PCDH7: variants seen among roughly 807,000 people sequenced by gnomAD.
PCDH7 encodes the protein protocadherin 7, also known as protocadherin-7.
In PCDH7, 17 loss-of-function variants were observed where a neutral mutation model predicts 58.9. That is an observed-to-expected ratio of 0.29 (90% CI 0.20 to 0.43). PCDH7 has a LOEUF of 0.43. PCDH7 is among the 20% of genes least tolerant of loss of function. The pLI, the probability that PCDH7 is intolerant of heterozygous loss-of-function variation, is 1.00. For synonymous variants in PCDH7, 664 were observed against 616.4 expected, an observed-to-expected ratio of 1.08 and a Z score of -1.14; for missense variants, 1,274 against 1,441.0, an observed-to-expected ratio of 0.88 and a Z score of 1.88.
chr4:30,998,785 C>T (rs572441143), intron 3 of PCDH7, among the ~76,000 whole-genome samples: 22 of 151,930 alleles, frequency 1.4e-4, no homozygotes, highest in African/African-American at 5.1e-4. Flanking sequence ...GAATTTCTAT[C>T]GTAGAAAGTG....
intron 3 of PCDH7, among the ~76,000 whole-genome samples, chr4:31,092,328 G>C (rs1051241762): frequency 2.0e-4 from 31 of 151,892 alleles, no homozygotes; most frequent in African/African-American, 7.2e-4. Flanking sequence ...GTTGGGGAAG[G>C]AAAAACTGAG....
intron 1 of PCDH7, among the ~76,000 whole-genome samples, chr4:30,879,224 T>C (rs1736656982): frequency 6.6e-6 from 1 of 152,006 alleles, no homozygotes; most frequent in Non-Finnish European, 1.5e-5. Flanking sequence ...CTCTCTCTTT[T>C]CTTCTTTCCT....
chr4:30,758,519 G>T (rs542595519), intron 1 of PCDH7, among the ~76,000 whole-genome samples: 2 of 152,154 alleles, frequency 1.3e-5, no homozygotes, highest in Non-Finnish European at 2.9e-5. Context: ...AAAGAGCATC[G>T]AAGGCTCTTG....
chr4:30,980,535 T>C (rs181678168), intron 3 of PCDH7, among the ~76,000 whole-genome samples: 2 of 152,308 alleles, frequency 1.3e-5, no homozygotes, highest in Admixed American at 1.3e-4. Context: ...GAATTGTTTC[T>C]AACTCCAGTG....
At chr4:31,064,858 AACAC>A (rs372280253) in intron 3 of PCDH7, among the ~76,000 whole-genome samples, 4 of 151,386 alleles carry the variant, frequency 2.6e-5, no homozygotes, top group African/African-American at 7.3e-5. Context: ...TTCAGTTCAT[AACAC>A]ACACACACAC....
intron 1 of PCDH7, among the ~76,000 whole-genome samples, chr4:30,804,946 G>T (rs1043639291): frequency 1.3e-5 from 2 of 152,226 alleles, no homozygotes; most frequent in Admixed American, 6.5e-5. Context: ...TGTGGGGCTC[G>T]TTTTGTCCTT....
At chr4:31,078,279 T>TTCTC (rs900182032) in intron 3 of PCDH7, among the ~76,000 whole-genome samples, 1 of 150,794 alleles carries the variant, frequency 6.6e-6, no homozygotes, top group East Asian at 2.0e-4. Flanking sequence ...ATAAAACCAA[T>TTCTC]TCTCTCTCTC....
At chr4:31,039,039 A>G (rs773838801) in intron 3 of PCDH7, among the ~76,000 whole-genome samples, 3 of 152,208 alleles carry the variant, frequency 2.0e-5, no homozygotes, top group Non-Finnish European at 2.9e-5. Context: ...TGCAAAGCAA[A>G]TATTAGCTAT....
chr4:31,022,020 GT>G (rs1301555205), intron 3 of PCDH7, among the ~76,000 whole-genome samples: 9 of 152,140 alleles, frequency 5.9e-5, no homozygotes, highest in Non-Finnish European at 1.0e-4. Context: ...CTTAATGGAT[GT>G]TCTAGGGATA....
At chr4:31,119,644 A>G (rs780582817) in intron 3 of PCDH7, among the ~76,000 whole-genome samples, 5 of 152,114 alleles carry the variant, frequency 3.3e-5, no homozygotes, top group African/African-American at 7.2e-5. Context: ...ACCTTTTGAC[A>G]TGAGGTTTTA....
chr4:31,065,269 G>A (rs574504842), intron 3 of PCDH7, among the ~76,000 whole-genome samples: 2 of 152,036 alleles, frequency 1.3e-5, no homozygotes, highest in South Asian at 2.1e-4. Flanking sequence ...GCTCTGAGTC[G>A]TCGTAACATC....
intron 2 of PCDH7, among the ~76,000 whole-genome samples, chr4:30,948,129 A>T (rs1386192799): frequency 6.6e-6 from 1 of 151,826 alleles, no homozygotes; most frequent in Non-Finnish European, 1.5e-5. Context: ...TTTTCTGTGT[A>T]TATATTTACT....
chr4:31,135,549 A>G (rs999700658), intron 3 of PCDH7, among the ~76,000 whole-genome samples: 1 of 152,190 alleles, frequency 6.6e-6, no homozygotes, highest in Non-Finnish European at 1.5e-5. Context: ...CTAACTGAAA[A>G]TAGGTACCCA....
intron 3 of PCDH7, among the ~76,000 whole-genome samples, chr4:31,075,130 C>T (rs375809180): frequency 6.6e-6 from 1 of 151,998 alleles, no homozygotes; most frequent in Non-Finnish European, 1.5e-5. Context: ...ATGTGCACCC[C>T]TTTGTAACAT....
chr4:31,092,807 T>C (rs1412737351), intron 3 of PCDH7, among the ~76,000 whole-genome samples: 2 of 152,084 alleles, frequency 1.3e-5, no homozygotes, highest in Non-Finnish European at 2.9e-5. Context: ...GCACTGATAA[T>C]GTTTCAAAGC....
At chr4:31,124,638 A>T (rs919766877) in intron 3 of PCDH7, among the ~76,000 whole-genome samples, 1 of 152,290 alleles carries the variant, frequency 6.6e-6, no homozygotes, top group South Asian at 2.1e-4. Flanking sequence ...ATGGATTGTG[A>T]CCGTACAACC....
In PCDH7 at chr4:30,750,862, C is replaced by G. The variant is rs539810654; in HGVS notation, c.70+26266C>G. Among the ~76,000 whole-genome samples, 10 of 151,860 alleles carry G rather than the reference C, an allele frequency of 6.6e-5. No individual in the cohort carries two copies. The East Asian group carries it at 1.9e-3, about 29-fold the overall frequency. On this transcript the variant is annotated intron_variant, in intron 1 of 3. Transcript: ENST00000509759. ...ACTTGGAGCATTTATATATAAAGTA[C>G]TATGATAGAGAATGGAAATACTATT...
intron 3 of PCDH7, among the ~76,000 whole-genome samples, chr4:31,082,996 T>G (rs1437925760): frequency 6.6e-6 from 1 of 152,100 alleles, no homozygotes; most frequent in Non-Finnish European, 1.5e-5. Flanking sequence ...TAGTCCCAGC[T>G]ACTCGGGAGG....
intron 3 of PCDH7, among the ~76,000 whole-genome samples, chr4:30,988,329 G>C (rs1751166860): frequency 6.6e-6 from 1 of 152,124 alleles, no homozygotes; most frequent in Admixed American, 6.6e-5. Context: ...ATTAGACTCA[G>C]AATATTGTAA....
Sources: gnomAD v4.1 joint callset for allele counts (sites outside exome capture counted in the v4.1 genomes callset) on GRCh38, gnomAD v4.1.1 for gene constraint, MANE v1.5 for transcripts, NCBI Gene and HGNC (gene_info 2026-07-23, HGNC 2026-07-21) for gene names.